BMPR1B: variants seen among roughly 807,000 people sequenced by gnomAD.
BMPR1B encodes bone morphogenetic protein receptor type 1B.
BMPR1B carries 12 observed loss-of-function variants against 59.1 expected under a neutral mutation model. The ratio of observed to expected loss-of-function variants is 0.20; its 90% confidence interval spans 0.13 to 0.33. The LOEUF (loss-of-function observed/expected upper bound fraction) is 0.33. Among genes scored for constraint, BMPR1B ranks in the 10% least tolerant of loss-of-function variants. BMPR1B has a pLI of 1.00. For synonymous variants in BMPR1B, 237 were observed against 207.3 expected (o/e 1.14, Z -1.23); for missense variants, 550 against 610.9 (o/e 0.90, Z 1.05).
intron 3 of BMPR1B, among the ~76,000 whole-genome samples, chr4:95,006,132 G>A (rs146832576): frequency 1.8e-4 from 28 of 152,104 alleles, no homozygotes; most frequent in Non-Finnish European, 3.2e-4. Flanking sequence ...CTATCTGGGC[G>A]TGGTGGTAGG....
At chr4:95,082,922 C>T (rs1729278468) in intron 3 of BMPR1B, among the ~76,000 whole-genome samples, 1 of 150,632 alleles carries the variant, frequency 6.6e-6, no homozygotes, top group African/African-American at 2.4e-5. Context: ...CCTGTAGTCC[C>T]AGCTACTCAA....
At chr4:94,819,700 A>T (rs988563119) in intron 1 of BMPR1B, among the ~76,000 whole-genome samples, 1 of 152,188 alleles carries the variant, frequency 6.6e-6, no homozygotes, top group East Asian at 1.9e-4. Flanking sequence ...TCTAATCTGA[A>T]CACTCTTGAG....
At chr4:95,011,912 G>A (rs756934759) in intron 3 of BMPR1B, among the ~76,000 whole-genome samples, 1 of 151,932 alleles carries the variant, frequency 6.6e-6, no homozygotes, top group Non-Finnish European at 1.5e-5. Context: ...TGAACTACTT[G>A]GGAAACTAGG....
intron 2 of BMPR1B, among the ~76,000 whole-genome samples, chr4:94,917,171 C>T (rs533632787): frequency 2.0e-5 from 3 of 152,158 alleles, no homozygotes; most frequent in African/African-American, 7.2e-5. Flanking sequence ...GGGGTGGAAC[C>T]CTTACAGAGA....
At chr4:94,820,507 G>C (rs4401454) in intron 1 of BMPR1B, among the ~76,000 whole-genome samples, 1 of 151,990 alleles carries the variant, frequency 6.6e-6, no homozygotes, top group South Asian at 2.1e-4. Context: ...GTGTTCCATG[G>C]ATAAGTATTT....
chr4:94,800,396 T>A (rs1723361093), intron 1 of BMPR1B, among the ~76,000 whole-genome samples: 1 of 152,152 alleles, frequency 6.6e-6, no homozygotes, highest in African/African-American at 2.4e-5. Context: ...GTGTAAGAAT[T>A]ATTTAGATAT....
chr4:94,808,252 G>A (rs1346508931), intron 1 of BMPR1B, among the ~76,000 whole-genome samples: 1 of 152,028 alleles, frequency 6.6e-6, no homozygotes, highest in African/African-American at 2.4e-5. Flanking sequence ...AAATTAGACA[G>A]AAGAAAAATT....
intron 2 of BMPR1B, among the ~76,000 whole-genome samples, chr4:94,985,390 G>A (rs1578882651): frequency 6.6e-6 from 1 of 152,096 alleles, no homozygotes; most frequent in African/African-American, 2.4e-5. Flanking sequence ...CAAGAATCTC[G>A]AGTAGATAGT....
intron 2 of BMPR1B, among the ~76,000 whole-genome samples, chr4:94,961,593 A>G (rs1169540760): frequency 6.6e-6 from 1 of 152,162 alleles, no homozygotes; most frequent in Non-Finnish European, 1.5e-5. Context: ...TCTATCAGTC[A>G]TACTATAACA....
rs139799143 is a variant in BMPR1B, at chr4:94,843,623, T to A, written c.-182-32208T>A. On this transcript the variant is annotated intron_variant, in intron 1 of 12. Coordinates refer to ENST00000515059, the MANE Select transcript of BMPR1B (RefSeq NM_001203.3). ...TCAAGGTATTGAGTTTCAAGATTGA[T>A]CTTTTGGTTATTATTGTATGTGTTT... Among the ~76,000 whole-genome samples the A allele has an allele frequency of 6.6e-5, 10 of 152,332 alleles. No homozygotes were observed. In the South Asian group the frequency reaches 1.0e-3, roughly 16 times the overall value.
intron 2 of BMPR1B, among the ~76,000 whole-genome samples, chr4:94,905,426 T>C (rs994242409): frequency 6.6e-6 from 1 of 152,076 alleles, no homozygotes; most frequent in African/African-American, 2.4e-5. Context: ...AATTAGCTTA[T>C]AGTTTAAAAA....
intron 2 of BMPR1B, among the ~76,000 whole-genome samples, chr4:94,921,886 T>C (rs571949433): frequency 1.3e-5 from 2 of 152,194 alleles, no homozygotes; most frequent in Non-Finnish European, 2.9e-5. Flanking sequence ...ATGTTCATCT[T>C]TAAAAGAAGA....
At chr4:94,992,894 C>T (rs1301776819) in intron 2 of BMPR1B, among the ~76,000 whole-genome samples, 1 of 151,690 alleles carries the variant, frequency 6.6e-6, no homozygotes, top group East Asian at 1.9e-4. Flanking sequence ...TTTTTTTTCC[C>T]CCTAAAGAGA....
chr4:94,889,383 ATCTCT>A (rs1223693360), intron 2 of BMPR1B, among the ~76,000 whole-genome samples: 1 of 152,060 alleles, frequency 6.6e-6, no homozygotes, highest in Non-Finnish European at 1.5e-5. Context: ...ACTCTGTAGT[ATCTCT>A]GTTTTTCAGA....
chr4:95,050,136 C>G (rs1157264850), intron 3 of BMPR1B, among the ~76,000 whole-genome samples: 1 of 152,140 alleles, frequency 6.6e-6, no homozygotes, highest in Non-Finnish European at 1.5e-5. Context: ...AAAGCAGATT[C>G]TATTGCTTGA....
chr4:95,106,334 G>T (rs1731197921), intron 4 of BMPR1B, among the ~76,000 whole-genome samples: 1 of 151,936 alleles, frequency 6.6e-6, no homozygotes, highest in African/African-American at 2.4e-5. Context: ...GCAGAATATT[G>T]GATGTATTAG....
At chr4:95,107,907 A>G (rs139916360) in intron 4 of BMPR1B, among the ~76,000 whole-genome samples, 16 of 152,100 alleles carry the variant, frequency 1.1e-4, no homozygotes, top group African/African-American at 3.9e-4. Context: ...CAGGGGCCAC[A>G]TTTGTTTCTT....
intron 2 of BMPR1B, among the ~76,000 whole-genome samples, chr4:94,919,739 G>C (rs17022573): frequency 0.27 from 40,339 of 151,946 alleles, 6,840 homozygotes; most frequent in African/African-American, 0.48. Flanking sequence ...TATGGGCAAA[G>C]TCTATGATCC....
At chr4:94,792,496 C>T (rs566474862) in intron 1 of BMPR1B, among the ~76,000 whole-genome samples, 15 of 152,160 alleles carry the variant, frequency 9.9e-5, no homozygotes, top group Admixed American at 5.2e-4. Flanking sequence ...CATACACACA[C>T]GCACACTTTT....
Sources: allele counts gnomAD v4.1 joint callset (sites outside exome capture counted in the v4.1 genomes callset), GRCh38; gene constraint gnomAD v4.1.1; transcripts MANE v1.5; gene names NCBI Gene and HGNC (gene_info 2026-07-23, HGNC 2026-07-21).